The following CACNB4 variants were observed in gnomAD, a reference collection of about 807,000 sequenced individuals.
CACNB4 encodes the protein calcium voltage-gated channel auxiliary subunit beta 4.
CACNB4 carries 32 observed loss-of-function variants against 71.2 expected under a neutral mutation model. The ratio of observed to expected loss-of-function variants is 0.45; its 90% CI spans 0.34 to 0.60. The LOEUF is 0.60. Ranked by LOEUF, CACNB4 falls within the 20% of genes least tolerant of loss-of-function variation. The pLI, the probability that CACNB4 is intolerant of heterozygous loss-of-function variation, is 0.01. For missense variants in CACNB4, 464 were observed against 647.9 expected, an observed-to-expected ratio of 0.72 and a Z score of 3.08; for synonymous variants, 231 against 236.9, an observed-to-expected ratio of 0.97 and a Z score of 0.23.
At chr2:151,964,084 A>AT (rs761272634) in intron 2 of CACNB4, among the ~76,000 whole-genome samples, 2,830 of 151,516 alleles carry the variant, frequency 0.019, 35 homozygotes, top group Middle Eastern at 0.031. Flanking sequence ...AAAAAAAAAA[A>AT]AAAAAAGAAT....
intron 2 of CACNB4, among the ~76,000 whole-genome samples, chr2:151,940,569 T>C (rs1460325569): frequency 3.3e-5 from 5 of 152,316 alleles, no homozygotes; most frequent in African/African-American, 1.2e-4. Context: ...CAGGATTGAA[T>C]TTAAGTCTCA....
chr2:151,882,009 T>C (rs111294304), intron 3 of CACNB4, among the ~76,000 whole-genome samples: 4,044 of 151,058 alleles, frequency 0.027, 97 homozygotes, highest in Non-Finnish European at 0.038. Flanking sequence ...GCCTCCCGAG[T>C]AGCTGGGATT....
At chr2:152,005,761 G>C (rs1053030934) in intron 2 of CACNB4, among the ~76,000 whole-genome samples, 1 of 152,214 alleles carries the variant, frequency 6.6e-6, no homozygotes, top group African/African-American at 2.4e-5. Context: ...AATTCTAAGT[G>C]CAAGTGCAAC....
intron 2 of CACNB4, among the ~76,000 whole-genome samples, chr2:152,080,864 T>C (rs976073416): frequency 1.3e-5 from 2 of 152,052 alleles, no homozygotes; most frequent in Admixed American, 6.6e-5. Flanking sequence ...TCTGGTTTTT[T>C]AAAAGAGTGT....
intron 2 of CACNB4, among the ~76,000 whole-genome samples, chr2:152,041,166 T>C (rs1183131856): frequency 6.6e-6 from 1 of 152,220 alleles, no homozygotes; most frequent in Non-Finnish European, 1.5e-5. Context: ...GTATAATGAT[T>C]GTGAGACACT....
chr2:151,898,585 A>G (rs991150101), intron 2 of CACNB4, among the ~76,000 whole-genome samples: 1 of 152,214 alleles, frequency 6.6e-6, no homozygotes. Flanking sequence ...CGAGGAAAAT[A>G]AGGCAGCTAT....
chr2:152,082,952 C>G (rs537056377), intron 2 of CACNB4, among the ~76,000 whole-genome samples: 14 of 152,292 alleles, frequency 9.2e-5, no homozygotes, highest in South Asian at 8.3e-4. Flanking sequence ...TATTTTACCA[C>G]ACTTAAAACA....
intron 2 of CACNB4, among the ~76,000 whole-genome samples, chr2:152,087,091 C>CGTT (rs1314175357): frequency 6.9e-6 from 1 of 145,386 alleles, no homozygotes; most frequent in Non-Finnish European, 1.5e-5. Context: ...AAGATTGCAC[C>CGTT]GTTGCACTTC....
At chr2:151,990,603 C>T (rs1256915151) in intron 2 of CACNB4, among the ~76,000 whole-genome samples, 1 of 152,176 alleles carries the variant, frequency 6.6e-6, no homozygotes, top group Non-Finnish European at 1.5e-5. Context: ...AAAGTGCCCC[C>T]CAATCTTTTA....
At chr2:151,840,939 G>A (rs1176054235) in intron 13 of CACNB4, among the ~76,000 whole-genome samples, 1 of 152,140 alleles carries the variant, frequency 6.6e-6, no homozygotes, top group Non-Finnish European at 1.5e-5. Context: ...GGCTCATTTT[G>A]TACCATAAGG....
chr2:151,966,161 G>C (rs150103828), intron 2 of CACNB4, among the ~76,000 whole-genome samples: 114 of 152,290 alleles, frequency 7.5e-4, no homozygotes, highest in African/African-American at 2.4e-3. Context: ...CATTTTATAC[G>C]AGGGAAAAAC....
Position 152,098,875 on chromosome 2 carries a change from GGC to G in CACNB4, c.63+72_63+73del. ...CCCCGCACGCCCGGCACGAAGGCGG[GGC>G]GCGCTAGGGCGGCGGAGGAGGTGTG... is the stretch of plus-strand genomic sequence containing the variant. On this transcript the variant is annotated intron_variant, in intron 1 of 13. Transcript: ENST00000539935. The surrounding 1 kb of genome is among the most constrained non-coding windows in gnomAD (Gnocchi z 5.3). The G allele has an allele frequency of 8.2e-7, 1 of 1,212,240 alleles. No homozygotes were observed. Among genetic ancestry groups the G allele is most frequent in the African/African-American group, 1.5e-5 (1 of 64,996 alleles). The allele number at this position is 1,212,240 out of a possible 1,614,324, so 75.1% of individuals were successfully genotyped here.
intron 2 of CACNB4, among the ~76,000 whole-genome samples, chr2:152,066,066 C>G (rs1474003779): frequency 1.3e-5 from 2 of 152,182 alleles, no homozygotes; most frequent in Non-Finnish European, 2.9e-5. Flanking sequence ...AAAGCCTATA[C>G]AGGAAGCCCT....
rs201610005 is a variant in CACNB4, at chr2:152,098,304, C to A, written c.147+26G>T. ...GCCGCGCGCTCGGCCTCCTCCCCATCCTGGTCTCCCGCCTCCTTCTCATAC... is the reference window on the plus strand; with the variant it reads ...GCCGCGCGCTCGGCCTCCTCCCCATACTGGTCTCCCGCCTCCTTCTCATAC... On this transcript the variant is annotated intron_variant, in intron 2 of 13. Transcript: ENST00000539935. This position sits in a 1 kb window ranked among gnomAD's most constrained non-coding sequence, Gnocchi z 5.3. 63 of 1,592,894 alleles carry A rather than the reference C, an allele frequency of 4.0e-5. No individual in the cohort carries two copies. In the East Asian group the frequency reaches 1.4e-3, roughly 36 times the overall value.
chr2:152,025,596 T>C (rs1683918242), intron 2 of CACNB4, among the ~76,000 whole-genome samples: 1 of 152,238 alleles, frequency 6.6e-6, no homozygotes, highest in East Asian at 1.9e-4. Context: ...GAGTTTGGAA[T>C]ATCTCAAATC....
intron 2 of CACNB4, among the ~76,000 whole-genome samples, chr2:151,940,272 T>C (rs904006494): frequency 6.6e-6 from 1 of 152,168 alleles, no homozygotes; most frequent in African/African-American, 2.4e-5. Context: ...CCAAACAGCA[T>C]GACACAGGAG....
At chr2:152,052,355 C>T (rs543627155) in intron 2 of CACNB4, among the ~76,000 whole-genome samples, 7 of 152,158 alleles carry the variant, frequency 4.6e-5, no homozygotes, top group Admixed American at 6.5e-5. Flanking sequence ...GGCTGGAGTA[C>T]AGTGGCGTGA....
intron 2 of CACNB4, among the ~76,000 whole-genome samples, chr2:151,994,741 T>C (rs1681944137): frequency 1.3e-5 from 2 of 152,212 alleles, no homozygotes; most frequent in Admixed American, 6.5e-5. Flanking sequence ...AGATACATCA[T>C]TTAGGCCAGG....
intron 2 of CACNB4, among the ~76,000 whole-genome samples, chr2:151,905,340 C>T (rs2151517486): frequency 6.6e-6 from 1 of 152,268 alleles, no homozygotes; most frequent in Non-Finnish European, 1.5e-5. Flanking sequence ...ACAGATAATG[C>T]AAAATACATA....
Sources: gnomAD v4.1 joint callset for allele counts (sites outside exome capture counted in the v4.1 genomes callset) on GRCh38, gnomAD v4.1.1 for gene constraint, Gnocchi (gnomAD v3.1) non-coding constraint, MANE v1.5 for transcripts, NCBI Gene and HGNC (gene_info 2026-07-23, HGNC 2026-07-21) for gene names.